MAGI2: variants seen among roughly 807,000 people sequenced by gnomAD.
MAGI2 encodes the protein membrane-associated guanylate kinase, WW and PDZ domain-containing protein 2.
Under a neutral mutation model 133.3 loss-of-function variants are expected in MAGI2, and 35 were observed. That is an observed-to-expected ratio of 0.26 (90% CI 0.20 to 0.35). The LOEUF (loss-of-function observed/expected upper bound fraction) is 0.35, where lower values mean the gene tolerates loss of function less well. Ranked by LOEUF, MAGI2 falls within the 10% of genes least tolerant of loss-of-function variation. The pLI is 1.00. For missense variants in MAGI2, 1,636 were observed against 1,863.4 expected (o/e 0.88, Z 2.25); for synonymous variants, 729 against 710.6 (o/e 1.03, Z -0.41).
chr7:78,724,354 T>C (rs1457733226), intron 2 of MAGI2, among the ~76,000 whole-genome samples: 1 of 152,058 alleles, frequency 6.6e-6, no homozygotes, highest in Non-Finnish European at 1.5e-5. Flanking sequence ...AAAAGATGGG[T>C]TTCAAATGAG....
chr7:78,236,285 G>A (rs558867083), intron 10 of MAGI2, among the ~76,000 whole-genome samples: 3 of 152,192 alleles, frequency 2.0e-5, no homozygotes, highest in South Asian at 2.1e-4. Context: ...AAAGAGAATC[G>A]AATGATGATA....
At chr7:78,877,986 A>G (rs1482573331) in intron 2 of MAGI2, among the ~76,000 whole-genome samples, 1 of 152,190 alleles carries the variant, frequency 6.6e-6, no homozygotes, top group African/African-American at 2.4e-5. Flanking sequence ...TATCCTCAAA[A>G]TGAGGGCTTG....
intron 10 of MAGI2, among the ~76,000 whole-genome samples, chr7:78,232,833 A>G (rs1790122245): frequency 6.6e-6 from 1 of 152,226 alleles, no homozygotes; most frequent in Non-Finnish European, 1.5e-5. Context: ...ATAGGAAGAA[A>G]TACTTTGCAA....
At chr7:78,640,813 G>T (rs569054594) in intron 2 of MAGI2, among the ~76,000 whole-genome samples, 1 of 152,330 alleles carries the variant, frequency 6.6e-6, no homozygotes, top group Non-Finnish European at 1.5e-5. Flanking sequence ...GGCTGAGGCT[G>T]GCCAAACTAG....
At chr7:78,535,121 G>T (rs1797778576) in intron 3 of MAGI2, among the ~76,000 whole-genome samples, 1 of 152,062 alleles carries the variant, frequency 6.6e-6, no homozygotes, top group South Asian at 2.1e-4. Context: ...GACAGAGCGA[G>T]ACTCCATCTC....
intron 1 of MAGI2, among the ~76,000 whole-genome samples, chr7:79,326,519 G>A (rs79803997): frequency 0.014 from 2,071 of 152,124 alleles, 50 homozygotes; most frequent in African/African-American, 0.047. Flanking sequence ...ATCTTGTAAG[G>A]GAAGAAAAGT....
At chr7:78,475,964 A>C (rs1192649156) in intron 6 of MAGI2, among the ~76,000 whole-genome samples, 1 of 151,728 alleles carries the variant, frequency 6.6e-6, no homozygotes, top group Non-Finnish European at 1.5e-5. Flanking sequence ...TCGGTGGATG[A>C]CTCCTCACAT....
At chr7:78,827,520 T>C (rs1790771455) in intron 2 of MAGI2, among the ~76,000 whole-genome samples, 1 of 152,136 alleles carries the variant, frequency 6.6e-6, no homozygotes, top group Non-Finnish European at 1.5e-5. Context: ...TAAGCAATCC[T>C]CCCGCCTTGG....
chr7:78,636,961 A>G (rs1393777602), intron 2 of MAGI2, among the ~76,000 whole-genome samples: 1 of 152,182 alleles, frequency 6.6e-6, no homozygotes, highest in African/African-American at 2.4e-5. Context: ...TTGCATTTCT[A>G]ACAAGTTTTC....
chr7:79,054,843 T>C (rs1412063834), intron 1 of MAGI2, among the ~76,000 whole-genome samples: 1 of 152,160 alleles, frequency 6.6e-6, no homozygotes, highest in African/African-American at 2.4e-5. Flanking sequence ...CAGGGTGGAG[T>C]GCAGTGGTGC....
chr7:78,190,507 G>C (rs1828099921), intron 12 of MAGI2, among the ~76,000 whole-genome samples: 1 of 152,134 alleles, frequency 6.6e-6, no homozygotes, highest in African/African-American at 2.4e-5. Context: ...GTGGTGAAAA[G>C]TGAACTATTG....
At chr7:78,108,576 A>T (rs1431007449) in intron 20 of MAGI2, among the ~76,000 whole-genome samples, 1 of 151,814 alleles carries the variant, frequency 6.6e-6, no homozygotes, top group African/African-American at 2.4e-5. Context: ...CAGGGTGTTG[A>T]GATTTCCACC....
intron 1 of MAGI2, among the ~76,000 whole-genome samples, chr7:79,070,840 C>T (rs763675278): frequency 6.6e-6 from 1 of 152,110 alleles, no homozygotes; most frequent in South Asian, 2.1e-4. Context: ...AGTTAGCAAT[C>T]GTCTAACCTT....
chr7:78,622,983 A>T (rs545106711), intron 3 of MAGI2, among the ~76,000 whole-genome samples: 2 of 152,196 alleles, frequency 1.3e-5, no homozygotes, highest in South Asian at 4.1e-4. Flanking sequence ...AGGTGTCTGA[A>T]GAAGATTCAG....
At chr7:79,104,741 C>A (rs1016601202) in intron 1 of MAGI2, among the ~76,000 whole-genome samples, 4 of 151,942 alleles carry the variant, frequency 2.6e-5, no homozygotes, top group Non-Finnish European at 5.9e-5. Flanking sequence ...TAGGGAATAA[C>A]CAAGCAGCCA....
intron 2 of MAGI2, among the ~76,000 whole-genome samples, chr7:78,693,619 G>T (rs1261137354): frequency 6.6e-6 from 1 of 152,142 alleles, no homozygotes; most frequent in Non-Finnish European, 1.5e-5. Flanking sequence ...TCATGGCAAG[G>T]TATTAACTCT....
rs146980211 is a variant in MAGI2, at chr7:78,592,432, G to A, written c.538+34688C>T. On this transcript the variant is annotated intron_variant, in intron 3 of 21. Transcript: ENST00000354212. Reference sequence around the variant, plus strand: ...TGTCCCAACTGCTCTGCTCTCCTGGGTTAGCACAAAAGCAGCCATAGATGT... The same window carrying A: ...TGTCCCAACTGCTCTGCTCTCCTGGATTAGCACAAAAGCAGCCATAGATGT... Among the ~76,000 whole-genome samples the A allele has an allele frequency of 3.1e-3, 471 of 151,722 alleles. 3 individuals are homozygous for A. The highest frequency in any genetic ancestry group is 0.011 in the African/African-American group (454 of 41,330).
At chr7:79,449,653 T>C (rs959906636) in intron 1 of MAGI2, among the ~76,000 whole-genome samples, 1 of 151,984 alleles carries the variant, frequency 6.6e-6, no homozygotes, top group Admixed American at 6.6e-5. Flanking sequence ...TAATTTAGAA[T>C]TACATACTTT....
intron 1 of MAGI2, among the ~76,000 whole-genome samples, chr7:79,372,834 G>A (rs571704517): frequency 7.2e-4 from 109 of 152,068 alleles, no homozygotes; most frequent in African/African-American, 2.1e-3. Flanking sequence ...CTCTCCCTAT[G>A]AGCAGATTCA....
Sources: allele counts gnomAD v4.1 joint callset (sites outside exome capture counted in the v4.1 genomes callset), GRCh38; gene constraint gnomAD v4.1.1; transcripts MANE v1.5; gene names NCBI Gene and HGNC (gene_info 2026-07-23, HGNC 2026-07-21).